Variants in GRIK4 observed in about 807,000 individuals in gnomAD.
GRIK4 encodes glutamate receptor ionotropic, kainate 4.
Under a neutral mutation model 104.9 loss-of-function variants are expected in GRIK4, and 40 were observed. The observed-to-expected ratio is 0.38, with a 90% CI of 0.30 to 0.50. The LOEUF is 0.50. Among genes scored for constraint, GRIK4 ranks in the 20% least tolerant of loss-of-function variants. The pLI is 0.93. For synonymous variants in GRIK4, 485 were observed against 524.9 expected, an observed-to-expected ratio of 0.92 and a Z score of 1.04; for missense variants, 1,047 against 1,308.1, an observed-to-expected ratio of 0.80 and a Z score of 3.08.
At chr11:120,527,745 G>A (rs1403580114) in intron 1 of GRIK4, among the ~76,000 whole-genome samples, 1 of 152,222 alleles carries the variant, frequency 6.6e-6, no homozygotes, top group Non-Finnish European at 1.5e-5. Context: ...ATATGCAGCT[G>A]GCAGAGCAGA....
Position 120,772,470 on chromosome 11 carries a change from G to A in GRIK4, c.83-30223G>A, listed in dbSNP as rs79652462. 3.5e-3 allele frequency among the ~76,000 whole-genome samples: 534 copies of A among 152,272 alleles called. 11 individuals carry two copies. In the East Asian group the frequency reaches 0.062, roughly 18 times the overall value. On this transcript the variant is annotated intron_variant, in intron 3 of 20. Transcript: ENST00000527524. ...GTAAGTATTGGGGATGACAAGAGGA[G>A]AACTACTGTATATTCCCCATCCTCT...
At chr11:120,908,572 C>T (rs1023314853) in intron 13 of GRIK4, among the ~76,000 whole-genome samples, 8 of 152,068 alleles carry the variant, frequency 5.3e-5, no homozygotes, top group Non-Finnish European at 1.0e-4. Flanking sequence ...GAGTGCAAGT[C>T]CACAGACACA....
chr11:120,889,660 A>G (rs980226911), intron 11 of GRIK4, among the ~76,000 whole-genome samples: 1 of 123,104 alleles, frequency 8.1e-6, no homozygotes, highest in Non-Finnish European at 1.6e-5. Context: ...GCTGGAGTGC[A>G]ATGGTATGAT....
intron 9 of GRIK4, 100 bp from the exon 10 acceptor site, chr11:120,873,966 T>C (rs1954687993): frequency 4.5e-6 from 5 of 1,105,112 alleles, no homozygotes; most frequent in African/African-American, 1.6e-5. Context: ...TCTTTTGCTT[T>C]CTCTTTTCTT....
intron 1 of GRIK4, among the ~76,000 whole-genome samples, chr11:120,579,565 G>C (rs1412916178): frequency 1.3e-5 from 2 of 152,178 alleles, no homozygotes; most frequent in Non-Finnish European, 2.9e-5. Flanking sequence ...GCAGGGGAGT[G>C]ACAGTATGAT....
intron 9 of GRIK4, chr11:120,867,911 T>A (rs1345792329): frequency 6.6e-6 from 1 of 152,140 alleles, no homozygotes; most frequent in Non-Finnish European, 1.5e-5. Flanking sequence ...GATTAAGTAA[T>A]TAGAATTTAG....
chr11:120,915,578 C>G (rs1943089079), intron 13 of GRIK4, among the ~76,000 whole-genome samples: 1 of 151,870 alleles, frequency 6.6e-6, no homozygotes, highest in Non-Finnish European at 1.5e-5. Context: ...CAGCCAATGC[C>G]CTACCTGCGC....
In GRIK4 at chr11:120,582,212, A is replaced by G. The variant is rs188090520; in HGVS notation, c.-159+70325A>G. Among the ~76,000 whole-genome samples, 80 of 151,538 alleles carry G rather than the reference A, an allele frequency of 5.3e-4. 1 individual carries two copies. The highest frequency in any genetic ancestry group is 2.2e-4 in the Non-Finnish European group (15 of 67,912). ...CATCTATAGGGCCATTCAGATACCC[A>G]GGCCTGAAAAGTAATAACAGTCTTT... On this transcript the variant is annotated intron_variant, in intron 1 of 20. Transcript: ENST00000527524.
chr11:120,875,398 TC>T (rs1319802353), intron 11 of GRIK4, among the ~76,000 whole-genome samples, 155 bp downstream of exon 11: 1 of 152,046 alleles, frequency 6.6e-6, no homozygotes, highest in African/African-American at 2.4e-5. Flanking sequence ...GCCTCTCCCT[TC>T]CTGCCACCAG....
At chr11:120,625,508 T>C (rs1289676801) in intron 1 of GRIK4, among the ~76,000 whole-genome samples, 1 of 152,182 alleles carries the variant, frequency 6.6e-6, no homozygotes, top group Admixed American at 6.5e-5. Flanking sequence ...GTTTAGGGAT[T>C]CTAAGTGTTG....
intron 3 of GRIK4, among the ~76,000 whole-genome samples, chr11:120,782,386 C>T (rs4936550): frequency 0.3 from 45,575 of 151,290 alleles, 8,047 homozygotes; most frequent in Middle Eastern, 0.47. Context: ...CCCGGGTTCA[C>T]GCCATTCTCC....
intron 8 of GRIK4, among the ~76,000 whole-genome samples, chr11:120,860,310 CTT>C (rs1421078102): frequency 6.6e-6 from 1 of 152,194 alleles, no homozygotes; most frequent in African/African-American, 2.4e-5. Context: ...TCTACACCCT[CTT>C]GACTGGTTTC....
intron 3 of GRIK4, among the ~76,000 whole-genome samples, chr11:120,709,686 A>C (rs1014293610): frequency 1.3e-5 from 2 of 152,196 alleles, no homozygotes; most frequent in Non-Finnish European, 2.9e-5. Context: ...TGTTTGTTGC[A>C]TACACTGTGT....
intron 3 of GRIK4, among the ~76,000 whole-genome samples, chr11:120,747,542 T>C (rs1951466931): frequency 1.3e-5 from 2 of 152,224 alleles, no homozygotes; most frequent in South Asian, 4.1e-4. Context: ...AGTTTGAGGC[T>C]GATGAAAAGC....
At chr11:120,862,143 C>T (rs750879867) in intron 9 of GRIK4, 23 bp downstream of exon 9, 2 of 1,607,644 alleles carry the variant, frequency 1.2e-6, no homozygotes, top group Non-Finnish European at 8.5e-7. Flanking sequence ...CAGAGCTCTT[C>T]CTGGTGCCCC....
At chr11:120,636,655 C>T (rs2135192277) in intron 1 of GRIK4, among the ~76,000 whole-genome samples, 1 of 152,290 alleles carries the variant, frequency 6.6e-6, no homozygotes, top group South Asian at 2.1e-4. Flanking sequence ...TCCTGGCCAA[C>T]ATGGTGAAAC....
At chr11:120,700,870 G>A (rs146048222) in intron 3 of GRIK4, among the ~76,000 whole-genome samples, 2,279 of 152,328 alleles carry the variant, frequency 0.015, 31 homozygotes, top group African/African-American at 0.027. Context: ...TGGGATTACA[G>A]ATGTGAGCCA....
chr11:120,537,508 C>G (rs2136085358), intron 1 of GRIK4, among the ~76,000 whole-genome samples: 1 of 152,304 alleles, frequency 6.6e-6, no homozygotes, highest in African/African-American at 2.4e-5. Flanking sequence ...TCTTGCCAGG[C>G]AGCTTCTCTA....
intron 1 of GRIK4, among the ~76,000 whole-genome samples, chr11:120,609,915 C>T (rs1949012505): frequency 6.6e-6 from 1 of 152,182 alleles, no homozygotes; most frequent in Non-Finnish European, 1.5e-5. Context: ...TCGGCTCTCT[C>T]CACTAACCTG....
Sources: gnomAD v4.1 joint callset for allele counts (sites outside exome capture counted in the v4.1 genomes callset) on GRCh38, gnomAD v4.1.1 for gene constraint, MANE v1.5 for transcripts, NCBI Gene and HGNC (gene_info 2026-07-23, HGNC 2026-07-21) for gene names.